The following KCTD14 variants were observed in gnomAD, a reference collection of about 807,000 sequenced individuals.
KCTD14 encodes the protein potassium channel tetramerization domain containing 14.
KCTD14 carries 7 observed loss-of-function variants against 5.9 expected under a neutral mutation model. The ratio of observed to expected loss-of-function variants is 1.19; its 90% CI spans 0.68 to 2.23. KCTD14 has a LOEUF of 2.23. KCTD14 is among the 30% of genes most tolerant of loss of function. The pLI is 0.00. For missense variants in KCTD14, 342 were observed against 332.2 expected, an observed-to-expected ratio of 1.03 and a Z score of -0.23; for synonymous variants, 140 against 133.1, an observed-to-expected ratio of 1.05 and a Z score of -0.36.
At chr11:78,031,412 TC>T (rs1398926050) in intron 2 of KCTD14, among the ~76,000 whole-genome samples, 1 of 152,244 alleles carries the variant, frequency 6.6e-6, no homozygotes, top group African/African-American at 2.4e-5. Context: ...AGGGTCTTGC[TC>T]TGTTGCCCAG....
At chr11:78,022,999 T>G in intron 1 of KCTD14, 161 bp downstream of exon 1, 1 of 580,542 alleles carries the variant, frequency 1.7e-6, no homozygotes, top group Non-Finnish European at 3.0e-6. Flanking sequence ...ACGGCAAAGA[T>G]TGAAGAGAGC....
At chr11:78,026,064 C>T (rs192735486), upstream of KCTD14, among the ~76,000 whole-genome samples, 697 of 152,284 alleles carry the variant, frequency 4.6e-3, 4 homozygotes, top group Admixed American at 7.5e-3. Context: ...AACATGCCCA[C>T]GATACAACCT....
chr11:78,025,114 GTGTGTATATATATATATATATA>G (rs1483776262), upstream of KCTD14, among the ~76,000 whole-genome samples: 380 of 66,838 alleles, frequency 5.7e-3, 2 homozygotes, highest in African/African-American at 0.031. Flanking sequence ...GTGTGTGTGT[GTGTGTATATATATATATATATA>G]TATATATATA....
chr11:78,022,154 A>C (rs1857327845), intron 1 of KCTD14, among the ~76,000 whole-genome samples: 1 of 152,054 alleles, frequency 6.6e-6, no homozygotes, highest in African/African-American at 2.4e-5. Flanking sequence ...CATGCCTGTA[A>C]TCCCAGCACT....
chr11:78,017,886 C>T (rs61900194), intron 1 of KCTD14, among the ~76,000 whole-genome samples: 14,832 of 151,800 alleles, frequency 0.098, 830 homozygotes, highest in East Asian at 0.29. Context: ...CACCTGAGGT[C>T]AGGAGTTCAA....
At position 78,022,750 on chromosome 11, in the gene KCTD14, G is replaced by C. The variant is rs570864152; in HGVS notation, c.90+410C>G. 2.6e-5 allele frequency among the ~76,000 whole-genome samples: 4 copies of C among 152,302 alleles called. No individual in the cohort carries two copies. The East Asian group carries it at 7.7e-4, about 30-fold the overall frequency. On this transcript the variant is annotated intron_variant, in intron 1 of 1. Transcript: ENST00000353172. The stretch of plus-strand genomic sequence containing the variant: ...AGGGGCAGGCTGGAGAGGGCTGCAG[G>C]TGAGGGAAAGATCCTCTGGCCGAGC...
chr11:78,037,648 G>A (rs554578101), intron 2 of KCTD14, among the ~76,000 whole-genome samples: 7 of 152,078 alleles, frequency 4.6e-5, no homozygotes, highest in Non-Finnish European at 7.4e-5. Flanking sequence ...GTGAAACCCC[G>A]TCTCTACTAA....
chr11:78,030,166 T>C (rs188063241), intron 2 of KCTD14, among the ~76,000 whole-genome samples: 3 of 152,236 alleles, frequency 2.0e-5, no homozygotes, highest in East Asian at 1.9e-4. Context: ...TTGCTTCTTT[T>C]TTCCCCCCCT....
At chr11:78,029,787 C>CCT (rs1857564805) in intron 2 of KCTD14, among the ~76,000 whole-genome samples, 1 of 137,444 alleles carries the variant, frequency 7.3e-6, no homozygotes, top group African/African-American at 2.6e-5. Flanking sequence ...TTTTTTTTTT[C>CCT]TTTTTTTTTT....
intron 2 of KCTD14, among the ~76,000 whole-genome samples, chr11:78,033,178 G>A (rs934258407): frequency 1.3e-5 from 2 of 152,150 alleles, no homozygotes; most frequent in Non-Finnish European, 2.9e-5. Context: ...CCATTCTTAG[G>A]ATTAGCCCCT....
chr11:78,025,155 T>A (rs189080434), upstream of KCTD14, among the ~76,000 whole-genome samples: 43 of 132,400 alleles, frequency 3.2e-4, no homozygotes, highest in South Asian at 8.3e-3. Context: ...TATATATATA[T>A]AAAGGGGAGT....
Position 78,016,792 on chromosome 11 carries a change from T to G in KCTD14, c.569A>C (p.Gln190Pro). The G allele has an allele frequency of 6.2e-7, 1 of 1,614,126 alleles. No homozygotes were observed. The highest frequency in any genetic ancestry group is 8.5e-7 in the Non-Finnish European group (1 of 1,179,972). The change falls in exon 2 of 2, where the codon CAG becomes CCG. Residue 190 changes from glutamine to proline, a missense_variant. Coordinates refer to ENST00000353172, the MANE Select transcript of KCTD14 (RefSeq NM_023930.4). Reference sequence around the variant, plus strand: ...AACAGACTTGAACATCTTCTTATCCTGCAGAAAACACAGGACCTCTGAATA... The same window carrying G: ...AACAGACTTGAACATCTTCTTATCCGGCAGAAAACACAGGACCTCTGAATA... The part of the protein sequence containing the change: ...AYYSEVLCFL[Q>P]DKKMFKSVVK...
Position 78,021,686 on chromosome 11 carries a change from G to A in KCTD14, c.90+1474C>T, listed in dbSNP as rs113289870. Among the ~76,000 whole-genome samples the A allele has an allele frequency of 3.0e-3, 455 of 152,272 alleles. 4 individuals are homozygous for A. The highest frequency in any genetic ancestry group is 9.8e-3 in the African/African-American group (407 of 41,558). On this transcript the variant is annotated intron_variant, in intron 1 of 1. Transcript: ENST00000353172. ...ACCCACCTCTGCCTCCCAAAGTGCT[G>A]GAACTACAGGCATGAGCTACCACGC...
chr11:78,032,800 GCT>G (rs1175430205), intron 2 of KCTD14, among the ~76,000 whole-genome samples: 2 of 150,530 alleles, frequency 1.3e-5, no homozygotes, highest in Admixed American at 6.6e-5. Context: ...AACCTCTCAG[GCT>G]CAACCATGTC....
chr11:78,044,984 C>G (rs926086980), intron 1 of KCTD14, among the ~76,000 whole-genome samples: 4 of 152,144 alleles, frequency 2.6e-5, no homozygotes, highest in Non-Finnish European at 5.9e-5. Context: ...TGAAATTGTT[C>G]ACATGCTCAT....
chr11:78,036,047 T>C (rs1475510603), intron 2 of KCTD14, among the ~76,000 whole-genome samples: 1 of 151,890 alleles, frequency 6.6e-6, no homozygotes, highest in East Asian at 1.9e-4. Context: ...TAATCCCAGC[T>C]ACTTGGGAGG....
Position 78,016,683 on chromosome 11 carries a change from G to A in KCTD14, c.678C>T (p.Tyr226=), listed in dbSNP as rs1037629328. The A allele has an allele frequency of 1.9e-6, 3 of 1,614,052 alleles. No homozygotes were observed. The highest frequency in any genetic ancestry group is 1.7e-6 in the Non-Finnish European group (2 of 1,180,028). Residue 226 remains tyrosine (Y), a synonymous_variant, in exon 2 of 2, where the codon TAC becomes TAT. Coordinates refer to ENST00000353172, the MANE Select transcript of KCTD14 (RefSeq NM_023930.4). The stretch of plus-strand genomic sequence containing the variant: ...TCAGGTAGAACTTGGAGAATACCTT[G>A]TACCCCTGGGCCTTAATGTCCATCT... ...CLEMDIKAQG[Y]KVFSKFYLTY...
intron 2 of KCTD14, among the ~76,000 whole-genome samples, chr11:78,029,100 G>C (rs762825416): frequency 6.6e-6 from 1 of 151,050 alleles, no homozygotes; most frequent in African/African-American, 2.4e-5. Context: ...CATGAGAATC[G>C]CTTGAACCCG....
chr11:78,017,286 G>C lies in KCTD14; in HGVS notation c.91-16C>G, dbSNP rs1385361829. The C allele has an allele frequency of 3.8e-6, 6 of 1,568,170 alleles. No individual in the cohort carries two copies. The African/African-American group carries it at 6.8e-5, about 18-fold the overall frequency. On this transcript the variant is annotated splice_polypyrimidine_tract_variant and intron_variant, in intron 1 of 1. Coordinates refer to ENST00000353172, the MANE Select transcript of KCTD14 (RefSeq NM_023930.4). The stretch of plus-strand genomic sequence containing the variant: ...CAGTAGACATCTGGGGGCACAAGAG[G>C]CAGAGTAAACCAACACGCCATCTCC...
Sources: gnomAD v4.1 joint callset for allele counts (sites outside exome capture counted in the v4.1 genomes callset) on GRCh38, gnomAD v4.1.1 for gene constraint, MANE v1.5 for transcripts, NCBI Gene and HGNC (gene_info 2026-07-23, HGNC 2026-07-21) for gene names.